Variants in NTM observed in about 807,000 individuals in gnomAD.
NTM encodes IgLON family member 2.
A neutral mutation model predicts 42.1 loss-of-function variants in NTM; 13 were observed. The observed-to-expected ratio is 0.31, with a 90% CI of 0.20 to 0.49. The LOEUF (loss-of-function observed/expected upper bound fraction) is 0.49. NTM is among the 20% of genes least tolerant of loss of function. The pLI, the probability that NTM is intolerant of heterozygous loss-of-function variation, is 0.99. For synonymous variants in NTM, 187 were observed against 179.2 expected (o/e 1.04, Z -0.35); for missense variants, 373 against 452.8 (o/e 0.82, Z 1.60).
intron 1 of NTM, among the ~76,000 whole-genome samples, chr11:131,831,787 A>G (rs2042851138): frequency 6.6e-6 from 1 of 152,046 alleles, no homozygotes; most frequent in South Asian, 2.1e-4. Context: ...CATTAAAGAG[A>G]TTGAATCTTA....
intron 2 of NTM, among the ~76,000 whole-genome samples, chr11:131,977,521 A>G (rs1320911832): frequency 1.3e-5 from 2 of 152,192 alleles, no homozygotes; most frequent in African/African-American, 2.4e-5. Flanking sequence ...TTCCTCACAT[A>G]AAGGAAAAAA....
chr11:131,634,441 T>C (rs2064114396), intron 1 of NTM, among the ~76,000 whole-genome samples: 1 of 151,968 alleles, frequency 6.6e-6, no homozygotes, highest in Non-Finnish European at 1.5e-5. Flanking sequence ...TCTCTCTGCA[T>C]AATACAGTAA....
intron 2 of NTM, among the ~76,000 whole-genome samples, chr11:132,055,137 C>T (rs891160109): frequency 5.3e-5 from 8 of 152,200 alleles, no homozygotes; most frequent in African/African-American, 1.9e-4. Context: ...GAGGTTGGAT[C>T]ATATGTGGCT....
At chr11:131,754,607 AGAGT>A (rs1418732813) in intron 1 of NTM, among the ~76,000 whole-genome samples, 1 of 138,012 alleles carries the variant, frequency 7.2e-6, no homozygotes, top group African/African-American at 2.7e-5. Context: ...CCTGGGCAAC[AGAGT>A]GAGACCCCAA....
chr11:132,048,595 AAGT>A (rs1213147612), intron 2 of NTM, among the ~76,000 whole-genome samples: 2 of 152,118 alleles, frequency 1.3e-5, no homozygotes, highest in African/African-American at 4.8e-5. Context: ...TTGTGTGAGA[AAGT>A]AGTGTGAACA....
At chr11:131,793,393 A>G (rs963012714) in intron 1 of NTM, among the ~76,000 whole-genome samples, 3 of 152,194 alleles carry the variant, frequency 2.0e-5, no homozygotes, top group African/African-American at 4.8e-5. Flanking sequence ...TTCTCAGGTG[A>G]CTCAATGACT....
At chr11:132,161,745 C>G (rs1186298719) in intron 3 of NTM, among the ~76,000 whole-genome samples, 2 of 152,094 alleles carry the variant, frequency 1.3e-5, no homozygotes, top group Non-Finnish European at 2.9e-5. Context: ...GACTGCGATT[C>G]CCTCCTCCCG....
At chr11:131,557,195 G>A (rs1174389018) in intron 1 of NTM, among the ~76,000 whole-genome samples, 1 of 152,156 alleles carries the variant, frequency 6.6e-6, no homozygotes, top group African/African-American at 2.4e-5. Flanking sequence ...AACTAAAGTA[G>A]GGTAACTAGG....
intron 2 of NTM, among the ~76,000 whole-genome samples, chr11:131,931,179 G>A (rs1180553450): frequency 2.6e-5 from 4 of 152,106 alleles, no homozygotes; most frequent in Non-Finnish European, 4.4e-5. Context: ...CAGGTGTGGT[G>A]GCTTACATCT....
intron 1 of NTM, among the ~76,000 whole-genome samples, chr11:131,641,311 C>T (rs1592329142): frequency 6.6e-6 from 1 of 152,160 alleles, no homozygotes; most frequent in Admixed American, 6.6e-5. Context: ...CCTTAGTTTT[C>T]ATTGTTTTGT....
chr11:132,143,972 G>A (rs1237577872), intron 2 of NTM, among the ~76,000 whole-genome samples: 1 of 151,844 alleles, frequency 6.6e-6, no homozygotes, highest in Non-Finnish European at 1.5e-5. Context: ...AAAGCCACAA[G>A]AAAGGCTTGG....
At chr11:132,031,512 G>A (rs999064161) in intron 2 of NTM, among the ~76,000 whole-genome samples, 1 of 152,088 alleles carries the variant, frequency 6.6e-6, no homozygotes, top group Admixed American at 6.5e-5. Flanking sequence ...AGAATTGGTT[G>A]GTAGATTGGG....
At chr11:131,744,307 G>A (rs2081534894) in intron 1 of NTM, among the ~76,000 whole-genome samples, 1 of 152,172 alleles carries the variant, frequency 6.6e-6, no homozygotes, top group South Asian at 2.1e-4. Context: ...CTTTATTCTT[G>A]TAGACTATAT....
chr11:131,819,596 T>C (rs1012844840), intron 1 of NTM, among the ~76,000 whole-genome samples: 2 of 152,214 alleles, frequency 1.3e-5, no homozygotes, highest in African/African-American at 4.8e-5. Flanking sequence ...CCAGAGGCAC[T>C]TTCCAAGTTC....
intron 3 of NTM, among the ~76,000 whole-genome samples, chr11:132,197,850 A>G (rs1345920139): frequency 2.0e-5 from 3 of 152,034 alleles, no homozygotes; most frequent in Non-Finnish European, 4.4e-5. Flanking sequence ...ATGGCTGCAT[A>G]GTATTCCATG....
intron 2 of NTM, among the ~76,000 whole-genome samples, chr11:132,073,139 A>G (rs1056112770): frequency 3.3e-5 from 5 of 152,170 alleles, no homozygotes; most frequent in African/African-American, 7.2e-5. Flanking sequence ...AGAATTTGGC[A>G]GTTCTCTAGG....
intron 1 of NTM, among the ~76,000 whole-genome samples, chr11:131,521,582 C>T (rs1338735915): frequency 6.6e-6 from 1 of 151,114 alleles, no homozygotes; most frequent in Non-Finnish European, 1.5e-5. Context: ...ATTTAAATGA[C>T]CAGCCCGTAG....
intron 1 of NTM, among the ~76,000 whole-genome samples, chr11:131,489,679 A>AT (rs533535596): frequency 5.7e-4 from 86 of 152,092 alleles, no homozygotes; most frequent in African/African-American, 2.0e-3. Context: ...CGTTTTCTTC[A>AT]TTTTTTCTTG....
At chr11:131,662,828 G>A (rs1428764832) in intron 1 of NTM, among the ~76,000 whole-genome samples, 4 of 152,210 alleles carry the variant, frequency 2.6e-5, no homozygotes, top group Non-Finnish European at 4.4e-5. Context: ...GGCGGGGAAC[G>A]CTGAGGGGCC....
Sources: gnomAD v4.1 joint callset for allele counts (sites outside exome capture counted in the v4.1 genomes callset) on GRCh38, gnomAD v4.1.1 for gene constraint, MANE v1.5 for transcripts, NCBI Gene and HGNC (gene_info 2026-07-23, HGNC 2026-07-21) for gene names.